PHAF1: variants seen among roughly 807,000 people sequenced by gnomAD.
PHAF1 encodes the protein phagosome assembly factor 1.
In PHAF1, 23 loss-of-function variants were observed where a neutral mutation model predicts 63.1. The observed-to-expected ratio is 0.36, with a 90% CI of 0.26 to 0.52. The LOEUF is 0.52. PHAF1 is among the 20% of genes least tolerant of loss of function. The probability of loss-of-function intolerance (pLI) is 0.93; values close to 1 mark genes in which losing one functional copy is unlikely to be tolerated. For missense variants in PHAF1, 427 were observed against 517.2 expected (o/e 0.83, Z 1.69); for synonymous variants, 167 against 185.0 (o/e 0.90, Z 0.79).
At chr16:67,144,702 C>T in intron 11 of PHAF1, 132 bp from the exon 12 acceptor site, 1 of 1,047,980 alleles carries the variant, frequency 9.5e-7, no homozygotes, top group East Asian at 2.4e-5. Flanking sequence ...CCAGTGAACA[C>T]TGTCAGGCAC....
At chr16:67,145,135 A>G (rs2029929502) in intron 12 of PHAF1, among the ~76,000 whole-genome samples, 1 of 152,030 alleles carries the variant, frequency 6.6e-6, no homozygotes, top group Non-Finnish European at 1.5e-5. Flanking sequence ...ATGATCATCC[A>G]GGGGGCCCCA....
At chr16:67,130,385 G>A (rs1963347891) in intron 3 of PHAF1, among the ~76,000 whole-genome samples, 1 of 116,260 alleles carries the variant, frequency 8.6e-6, no homozygotes, top group Admixed American at 1.1e-4. Flanking sequence ...GTCTCGCTCT[G>A]TCACCCAGGC....
At chr16:67,132,354 T>A in intron 4 of PHAF1, 92 bp from the exon 5 acceptor site, 3 of 1,124,150 alleles carry the variant, frequency 2.7e-6, no homozygotes, top group Non-Finnish European at 3.9e-6. Flanking sequence ...CACCTGCCTG[T>A]GTCTTAAAAA....
At chr16:67,131,354 A>G (rs1356901907) in intron 4 of PHAF1, 25 bp downstream of exon 4, 2 of 1,524,592 alleles carry the variant, frequency 1.3e-6, no homozygotes, top group Non-Finnish European at 1.8e-6. Context: ...CTGCTGGTAT[A>G]TGTCACACTT....
Position 67,147,210 on chromosome 16 carries a change from G to C in PHAF1, c.*79G>C. On this transcript the variant is annotated 3_prime_UTR_variant, in exon 16 of 16. Coordinates refer to ENST00000219139, the MANE Select transcript of PHAF1 (RefSeq NM_025187.5). ...TCAGTGGGCCTCTGTACCACCCTGT[G>C]GGTTTTCTTGGACACCTGGCCAGTG... is the stretch of plus-strand genomic sequence containing the variant. The C allele has an allele frequency of 7.3e-7, 1 of 1,375,626 alleles. No individual in the cohort carries two copies. The highest frequency in any genetic ancestry group is 1.0e-6 in the Non-Finnish European group (1 of 972,538). The allele number at this position is 1,375,626 out of a possible 1,614,324, so 85.2% of individuals were successfully genotyped here. A position where few individuals can be genotyped will look rare whatever the true frequency, so the allele number is the denominator to read the frequency against.
intron 8 of PHAF1, among the ~76,000 whole-genome samples, chr16:67,137,823 A>G (rs1963666705): frequency 6.6e-6 from 1 of 152,174 alleles, no homozygotes; most frequent in Non-Finnish European, 1.5e-5. Flanking sequence ...CATTCCCAGC[A>G]GTCACACTGC....
Position 67,145,496 on chromosome 16 carries a change from CCT to C in PHAF1, c.1051-71_1051-70del, listed in dbSNP as rs371886905. The stretch of plus-strand genomic sequence containing the variant: ...GCCTGCAGGCAGTATGGGGCTGTGT[CCT>C]CTAGGCCAGCCATTGGTCACAGACA... On this transcript the variant is annotated intron_variant, in intron 13 of 15. Coordinates refer to ENST00000219139, the MANE Select transcript of PHAF1 (RefSeq NM_025187.5). 174 of 1,611,908 alleles carry C rather than the reference CCT, an allele frequency of 1.1e-4. No homozygotes were observed. In the African/African-American group the frequency reaches 1.8e-3, roughly 17 times the overall value.
chr16:67,132,017 C>T (rs964867), intron 4 of PHAF1: 7,400 of 156,702 alleles, frequency 0.047, 520 homozygotes, highest in African/African-American at 0.16. Flanking sequence ...TAACTGGCTT[C>T]CCTTTCCCTT....
At chr16:67,141,272 C>G (rs887201752) in intron 10 of PHAF1, among the ~76,000 whole-genome samples, 1 of 152,130 alleles carries the variant, frequency 6.6e-6, no homozygotes, top group African/African-American at 2.4e-5. Context: ...TGGGAAAGAC[C>G]AAACACAGGA....
Position 67,110,220 on chromosome 16 carries a change from G to A in PHAF1, c.45G>A (p.Glu15=), listed in dbSNP as rs752317490. ...TGCCCGAACGCTCTCTGGGGAACGAGCAATGGGAATTCACGCTGGGTGAGT... is the reference window on the plus strand; with the variant it reads ...TGCCCGAACGCTCTCTGGGGAACGAACAATGGGAATTCACGCTGGGTGAGT... ...EVVPERSLGN[E]QWEFTLGMPL... is the part of the protein sequence containing the mutation. The change falls in exon 1 of 16, where the codon GAG becomes GAA. Residue 15 remains glutamate (E), a synonymous_variant. Coordinates refer to ENST00000219139, the MANE Select transcript of PHAF1 (RefSeq NM_025187.5). The A allele has an allele frequency of 9.7e-6, 15 of 1,552,532 alleles. No individual in the cohort carries two copies. The Admixed American group carries it at 2.7e-4, about 28-fold the overall frequency.
chr16:67,113,430 T>G (rs1962600289), intron 1 of PHAF1, among the ~76,000 whole-genome samples: 1 of 152,064 alleles, frequency 6.6e-6, no homozygotes, highest in Non-Finnish European at 1.5e-5. Context: ...TTGAAATGTT[T>G]TGTTTTCTTT....
chr16:67,132,987 A>G, intron 6 of PHAF1, 76 bp downstream of exon 6: 1 of 1,206,248 alleles, frequency 8.3e-7, no homozygotes, highest in Non-Finnish European at 1.2e-6. Context: ...ATGGGATGGG[A>G]ATAGAGGAGT....
chr16:67,145,105 GGA>G (rs1597219151), intron 12 of PHAF1, among the ~76,000 whole-genome samples: 2 of 152,088 alleles, frequency 1.3e-5, no homozygotes, highest in African/African-American at 4.8e-5. Context: ...CCTCTGGAGG[GGA>G]GAGTTTCTTA....
In PHAF1 at chr16:67,134,803, T is replaced by C. The variant is rs147173437; in HGVS notation, c.661+336T>C. On this transcript the variant is annotated intron_variant, in intron 8 of 15. Transcript: ENST00000219139. ...TGATCTCAATCCTGAGGTCTCTGCT[T>C]CCATAATGTAATCACCTCCCAAAGC... is the stretch of plus-strand genomic sequence containing the variant. 132 of 461,982 alleles carry C rather than the reference T, an allele frequency of 2.9e-4. 1 individual carries two copies. The highest frequency in any genetic ancestry group is 4.7e-5 in the Non-Finnish European group (11 of 233,704). The allele number at this position is 461,982 out of a possible 1,614,324, so 28.6% of individuals were successfully genotyped here.
chr16:67,134,321 A>T (rs1356105818), intron 7 of PHAF1, 34 bp from the exon 8 acceptor site: 1 of 1,608,286 alleles, frequency 6.2e-7, no homozygotes. Context: ...GGGAGAAAGA[A>T]CCAAGCCTCT....
intron 8 of PHAF1, chr16:67,134,841 A>G: frequency 2.2e-5 from 9 of 401,548 alleles, no homozygotes; most frequent in South Asian, 1.7e-4. Flanking sequence ...TGACCTTCTA[A>G]TACCATCACC....
chr16:67,142,465 T>C (rs1963849977), intron 10 of PHAF1, among the ~76,000 whole-genome samples: 1 of 152,232 alleles, frequency 6.6e-6, no homozygotes, highest in Non-Finnish European at 1.5e-5. Flanking sequence ...GCCCTTCTGC[T>C]TCCTACCACC....
intron 2 of PHAF1, among the ~76,000 whole-genome samples, chr16:67,121,766 G>A (rs1014673771): frequency 1.3e-5 from 2 of 151,856 alleles, no homozygotes; most frequent in African/African-American, 4.8e-5. Context: ...TTTTAGTAGA[G>A]ACAGGGTTTC....
At chr16:67,133,190 T>G (rs1244360647) in intron 6 of PHAF1, among the ~76,000 whole-genome samples, 1 of 152,196 alleles carries the variant, frequency 6.6e-6, no homozygotes, top group African/African-American at 2.4e-5. Flanking sequence ...ATTTTCAAGC[T>G]CCTAATCAAC....
Sources: allele counts gnomAD v4.1 joint callset (sites outside exome capture counted in the v4.1 genomes callset), GRCh38; gene constraint gnomAD v4.1.1; transcripts MANE v1.5; gene names NCBI Gene and HGNC (gene_info 2026-07-23, HGNC 2026-07-21).